The following COL27A1 variants were observed in gnomAD, a reference collection of about 807,000 sequenced individuals.
The protein encoded by COL27A1 is collagen type XXVII alpha 1 chain.
A neutral mutation model predicts 251.3 loss-of-function variants in COL27A1; 106 were observed. The observed-to-expected ratio is 0.42, with a 90% CI of 0.36 to 0.50. The LOEUF is 0.50. Among genes scored for constraint, COL27A1 ranks in the 20% least tolerant of loss-of-function variants. COL27A1 has a pLI of 0.00. For missense variants in COL27A1, 2,325 were observed against 2,522.8 expected (o/e 0.92, Z 1.68); for synonymous variants, 1,000 against 986.3 (o/e 1.01, Z -0.26).
intron 37 of COL27A1, among the ~76,000 whole-genome samples, chr9:114,278,378 AG>A (rs1430473065): frequency 8.5e-4 from 1 of 1,178 alleles, no homozygotes; most frequent in East Asian, 0.028. Context: ...AGTGGAGGTG[AG>A]GGTGATGATG....
chr9:114,232,455 A>G (rs188961277), intron 16 of COL27A1, among the ~76,000 whole-genome samples: 5 of 152,334 alleles, frequency 3.3e-5, no homozygotes, highest in Admixed American at 6.5e-5. Flanking sequence ...GCAAAGCAGC[A>G]TCTGAATACG....
chr9:114,207,254 A>G (rs1830031977), intron 10 of COL27A1, among the ~76,000 whole-genome samples: 1 of 152,192 alleles, frequency 6.6e-6, no homozygotes, highest in African/African-American at 2.4e-5. Flanking sequence ...TCTCAGCCCT[A>G]ATCCCTGCAG....
At chr9:114,276,862 AACATGTACAG>A (rs1351253517) in intron 37 of COL27A1, among the ~76,000 whole-genome samples, 2 of 152,264 alleles carry the variant, frequency 1.3e-5, no homozygotes, top group African/African-American at 4.8e-5. Context: ...CTCCTGTTTC[AACATGTACAG>A]ACAAGTTGCC....
intron 28 of COL27A1, among the ~76,000 whole-genome samples, chr9:114,260,818 C>T (rs1458511787): frequency 1.3e-5 from 2 of 152,180 alleles, no homozygotes; most frequent in African/African-American, 2.4e-5. Context: ...AACCCCAGGC[C>T]GGTTTCTTAA....
chr9:114,229,338 CGTCT>C (rs1176215249), intron 14 of COL27A1, among the ~76,000 whole-genome samples: 9 of 152,182 alleles, frequency 5.9e-5, no homozygotes, highest in Non-Finnish European at 8.8e-5. Context: ...AACTCCATGC[CGTCT>C]GTCTGTCTGT....
rs779455677 is a variant in COL27A1 at position 114,265,097 on chromosome 9, C to G, written c.3326C>G (p.Ser1109Trp). 1.2e-6 allele frequency: 2 copies of G among 1,610,960 alleles called. No homozygotes were observed. Among genetic ancestry groups the G allele is most frequent in the Admixed American group, 1.7e-5 (1 of 59,544 alleles). ...GVAGERGHLG[S>W]RGFPGIPGPS... ...GCTGGTGAGCGAGGCCACTTGGGCT[C>G]GAGAGGCTTTCCTGTAAGTAGCACC... The change falls in exon 31 of 61, where the codon TCG becomes TGG. Residue 1109 changes from serine (S) to tryptophan (W), a missense_variant. Physicochemically the swap from Ser to Trp is radical, Grantham distance 177. Transcript: ENST00000356083.
chr9:114,206,973 A>G (rs911446543), intron 10 of COL27A1, among the ~76,000 whole-genome samples: 8 of 152,304 alleles, frequency 5.3e-5, no homozygotes, highest in African/African-American at 1.9e-4. Flanking sequence ...ATGGAGTTGG[A>G]AAGATTTAGA....
chr9:114,163,412 A>C (rs1242336913), intron 2 of COL27A1, among the ~76,000 whole-genome samples: 1 of 151,976 alleles, frequency 6.6e-6, no homozygotes, highest in Non-Finnish European at 1.5e-5. Flanking sequence ...CTAAAAAAAA[A>C]AAAAAGGCAT....
intron 5 of COL27A1, among the ~76,000 whole-genome samples, chr9:114,184,511 A>AGGGTT (rs1828181717): frequency 6.6e-6 from 1 of 152,074 alleles, no homozygotes; most frequent in African/African-American, 2.4e-5. Flanking sequence ...CTCTACGTCC[A>AGGGTT]GGGTTGGGCT....
At chr9:114,307,031 A>T (rs1446315389) in intron 58 of COL27A1, 2 of 266,322 alleles carry the variant, frequency 7.5e-6, no homozygotes, top group Non-Finnish European at 7.3e-6. Context: ...CTGTGAGCTG[A>T]TGTGGTGCTG....
intron 12 of COL27A1, among the ~76,000 whole-genome samples, chr9:114,219,217 ATC>A (rs1481156097): frequency 6.6e-6 from 1 of 152,142 alleles, no homozygotes; most frequent in African/African-American, 2.4e-5. Context: ...GCAGCTCAGC[ATC>A]TCTCTGAGCT....
At position 114,195,914 on chromosome 9, in the gene COL27A1, C is replaced by G. The variant is rs893570261; in HGVS notation, c.2071-45C>G. On this transcript the variant is annotated intron_variant, in intron 6 of 60. Coordinates refer to ENST00000356083, the MANE Select transcript of COL27A1 (RefSeq NM_032888.4). The stretch of plus-strand genomic sequence containing the variant: ...ATTTGTAGAGTGTAGCAGAGTGTCT[C>G]TGCTCCCGTTTTCCTGCCTCACCCA... 4 of 1,414,016 alleles carry G rather than the reference C, an allele frequency of 2.8e-6. No homozygotes were observed. In the African/African-American group the frequency reaches 4.2e-5, roughly 15 times the overall value. The allele number at this position is 1,414,016 out of a possible 1,614,324, so 87.6% of individuals were successfully genotyped here.
At position 114,290,367 on chromosome 9, in the gene COL27A1, A is replaced by C. The variant is rs1158117471; in HGVS notation, c.4368+36A>C. Reference sequence around the variant, plus strand: ...ATTGGCATTAACAGATGGTGGCTCCATTTGGGACCAGGTGTAGGGGAACTT... The same window carrying C: ...ATTGGCATTAACAGATGGTGGCTCCCTTTGGGACCAGGTGTAGGGGAACTT... On this transcript the variant is annotated intron_variant, in intron 47 of 60. Coordinates refer to ENST00000356083, the MANE Select transcript of COL27A1 (RefSeq NM_032888.4). This position sits in a 1 kb window ranked among gnomAD's most constrained non-coding sequence, Gnocchi z 4.6. 6.6e-7 allele frequency: 1 copy of C among 1,518,230 alleles called. No individual in the cohort carries two copies. Among genetic ancestry groups the C allele is most frequent in the Admixed American group, 2.0e-5 (1 of 51,138 alleles). 94.0% of individuals were successfully genotyped at this position (1,518,230 alleles called of 1,614,324 possible).
rs142897334 is a variant in COL27A1, at chr9:114,199,082, C to T, written c.2124+3070C>T. On this transcript the variant is annotated intron_variant, in intron 7 of 60. Coordinates refer to ENST00000356083, the MANE Select transcript of COL27A1 (RefSeq NM_032888.4). ...TTTTGCTAGTTTCCAGCTAACCACC[C>T]TCCACTAGCCAAGAAGGCTGCCAGA... Among the ~76,000 whole-genome samples the T allele has an allele frequency of 4.6e-5, 7 of 152,318 alleles. No homozygotes were observed. In the East Asian group the frequency reaches 1.4e-3, roughly 29 times the overall value.
At chr9:114,303,629 A>G (rs963456033) in intron 56 of COL27A1, among the ~76,000 whole-genome samples, 4 of 152,204 alleles carry the variant, frequency 2.6e-5, no homozygotes, top group African/African-American at 9.6e-5. Flanking sequence ...AAGATGAAAG[A>G]ACTGAGAAAG....
At chr9:114,187,020 G>T (rs937891186) in intron 5 of COL27A1, among the ~76,000 whole-genome samples, 2 of 152,220 alleles carry the variant, frequency 1.3e-5, no homozygotes, top group Non-Finnish European at 2.9e-5. Context: ...CCTTGTCTCT[G>T]GTCTGGTCCA....
chr9:114,275,740 C>T lies in COL27A1; in HGVS notation c.3689C>T (p.Pro1230Leu). The T allele has an allele frequency of 6.5e-7, 1 of 1,549,170 alleles. No individual in the cohort carries two copies. The highest frequency in any genetic ancestry group is 8.7e-7 in the Non-Finnish European group (1 of 1,146,618). ...GGGCTGATGGGTGAGGACGGGCCCC[C>T]CGGCCCCCCTGGCGTCACTGGTGTC... Reference protein sequence around the residue: ...QEGLMGEDGPPGPPGVTGVRG... With the variant: ...QEGLMGEDGPLGPPGVTGVRG... Residue 1230 changes from proline (P) to leucine (L), a missense_variant, in exon 37 of 61, where the codon CCC becomes CTC. Physicochemically the swap from Pro to Leu is moderately conservative, Grantham distance 98 (BLOSUM62 -3). Transcript: ENST00000356083.
Position 114,311,788 on chromosome 9 carries a change from A to G in COL27A1, c.*1093A>G, listed in dbSNP as rs1829466748. On this transcript the variant is annotated 3_prime_UTR_variant, in exon 61 of 61. Transcript: ENST00000356083. ...TGAAAACTTGACCTTGAAGAAACCA[A>G]TCACAAAAGCGGCGTTGGGTCAGGG... 1 of 152,254 alleles carries G rather than the reference A, an allele frequency of 6.6e-6. No individual in the cohort carries two copies. The highest frequency in any genetic ancestry group is 2.1e-4 in the South Asian group (1 of 4,840). 9.4% of individuals were successfully genotyped at this position (152,254 alleles called of 1,614,324 possible).
At chr9:114,203,795 A>C (rs564555392) in intron 7 of COL27A1, among the ~76,000 whole-genome samples, 1 of 152,250 alleles carries the variant, frequency 6.6e-6, no homozygotes, top group South Asian at 2.1e-4. Flanking sequence ...GGAGCTGTAC[A>C]TGTCTGGAGA....
Sources: gnomAD v4.1 joint callset for allele counts (sites outside exome capture counted in the v4.1 genomes callset) on GRCh38, gnomAD v4.1.1 for gene constraint, Gnocchi (gnomAD v3.1) non-coding constraint, MANE v1.5 for transcripts, NCBI Gene and HGNC (gene_info 2026-07-23, HGNC 2026-07-21) for gene names.